WDFY3: variants seen among roughly 807,000 people sequenced by gnomAD.
WDFY3 encodes WD repeat and FYVE domain-containing protein 3.
WDFY3 carries 66 observed loss-of-function variants against 409.6 expected under a neutral mutation model. The observed-to-expected ratio is 0.16, with a 90% CI of 0.13 to 0.20. WDFY3 has a LOEUF of 0.20. WDFY3 is among the 10% of genes least tolerant of loss of function. The pLI is 1.00. For missense variants in WDFY3, 3,031 were observed against 4,298.1 expected, an observed-to-expected ratio of 0.71 and a Z score of 8.24; for synonymous variants, 1,521 against 1,537.1, an observed-to-expected ratio of 0.99 and a Z score of 0.25.
intron 5 of WDFY3, among the ~76,000 whole-genome samples, chr4:84,847,972 G>A (rs1758354613): frequency 6.6e-6 from 1 of 151,132 alleles, no homozygotes; most frequent in Non-Finnish European, 1.5e-5. Context: ...TGATAAAATT[G>A]AGGAGTTCTC....
chr4:84,795,010 A>G (rs960841516), intron 19 of WDFY3, 31 bp from the exon 20 acceptor site: 1 of 1,463,442 alleles, frequency 6.8e-7, no homozygotes, highest in African/African-American at 1.4e-5. Context: ...TACATATTAG[A>G]GATCAATGAC....
intron 47 of WDFY3, among the ~76,000 whole-genome samples, chr4:84,721,068 T>C (rs905118197): frequency 2.0e-5 from 3 of 152,188 alleles, no homozygotes; most frequent in East Asian, 1.9e-4. Context: ...ACTGGAATTA[T>C]GGAGATGTAG....
chr4:84,709,544 A>G (rs528662765), intron 51 of WDFY3, among the ~76,000 whole-genome samples, 197 bp from the exon 52 acceptor site: 1 of 152,352 alleles, frequency 6.6e-6, no homozygotes, highest in African/African-American at 2.4e-5. Flanking sequence ...GAACTGAAGA[A>G]AACAGAGGAC....
At chr4:84,724,233 T>A (rs1293221092) in intron 46 of WDFY3, among the ~76,000 whole-genome samples, 193 bp downstream of exon 46, 1 of 152,230 alleles carries the variant, frequency 6.6e-6, no homozygotes, top group African/African-American at 2.4e-5. Context: ...TATTCATTTG[T>A]AGGCAATAAA....
chr4:84,679,553 G>A (rs967089258), intron 64 of WDFY3, among the ~76,000 whole-genome samples: 1 of 152,056 alleles, frequency 6.6e-6, no homozygotes, highest in Non-Finnish European at 1.5e-5. Flanking sequence ...GCAGCTAGAT[G>A]GTGTCACTCC....
chr4:84,693,664 G>A (rs764066655), intron 58 of WDFY3, among the ~76,000 whole-genome samples: 6 of 152,124 alleles, frequency 3.9e-5, no homozygotes, highest in Non-Finnish European at 7.4e-5. Flanking sequence ...TTGGGAGACT[G>A]AGGCAGGCGG....
intron 32 of WDFY3, among the ~76,000 whole-genome samples, chr4:84,763,099 T>G (rs1441060661): frequency 6.6e-6 from 1 of 152,186 alleles, no homozygotes; most frequent in Non-Finnish European, 1.5e-5. Context: ...CCTCTCACAT[T>G]ATTTTCCCCT....
At chr4:84,806,112 C>G (rs1323150106) in intron 15 of WDFY3, among the ~76,000 whole-genome samples, 1 of 152,102 alleles carries the variant, frequency 6.6e-6, no homozygotes, top group East Asian at 1.9e-4. Context: ...CTTTTGCCAA[C>G]AAAACAGTAT....
chr4:84,709,225 C>G, intron 52 of WDFY3, 68 bp downstream of exon 52: 2 of 1,482,118 alleles, frequency 1.3e-6, no homozygotes, highest in South Asian at 2.4e-5. Context: ...AATTAAAGTG[C>G]TTTTAACTGT....
chr4:84,806,991 G>A (rs1320492843), intron 15 of WDFY3, among the ~76,000 whole-genome samples: 1 of 152,056 alleles, frequency 6.6e-6, no homozygotes, highest in Non-Finnish European at 1.5e-5. Context: ...AGGACTAAAT[G>A]TTTTTAAACA....
Position 84,765,956 on chromosome 4 carries a change from G to C in WDFY3, c.5042C>G (p.Ser1681Cys). ...CCTCATGGCTGCTGTAACTGTGGTG[G>C]AATGTAAGTGTTCCTCCATAAACAT... ...IMMFMEEHLH[S>C]TTVTAAMRIL... The change falls in exon 32 of 68, where the codon TCC becomes TGC. Residue 1681 changes from serine (S) to cysteine (C), a missense_variant. Transcript: ENST00000295888. The C allele has an allele frequency of 6.2e-7, 1 of 1,613,962 alleles. No homozygotes were observed. The highest frequency in any genetic ancestry group is 8.5e-7 in the Non-Finnish European group (1 of 1,179,952).
chr4:84,741,628 T>G, intron 38 of WDFY3, 133 bp downstream of exon 38: 1 of 1,134,320 alleles, frequency 8.8e-7, no homozygotes, highest in African/African-American at 1.6e-5. Flanking sequence ...CTCTATTCAC[T>G]TTTAATAAGC....
chr4:84,685,446 T>C (rs1338912031), intron 62 of WDFY3, among the ~76,000 whole-genome samples: 6 of 152,236 alleles, frequency 3.9e-5, no homozygotes, highest in Non-Finnish European at 8.8e-5. Flanking sequence ...CAAAGCACTG[T>C]TGTGTCTGCT....
chr4:84,777,843 A>C (rs1343710762), intron 27 of WDFY3, among the ~76,000 whole-genome samples: 1 of 152,180 alleles, frequency 6.6e-6, no homozygotes, highest in Non-Finnish European at 1.5e-5. Context: ...TTTAGTACAT[A>C]ATAACTAACA....
chr4:84,891,082 G>A lies in WDFY3; in HGVS notation c.-32+5829C>T, dbSNP rs1021439970. ...GCAGGTGATAGGCCAGACTTTGCCC[G>A]CAGGCCATAGTTTGCCACCCTACAA... On this transcript the variant is annotated intron_variant, in intron 3 of 67. Coordinates refer to ENST00000295888, the MANE Select transcript of WDFY3 (RefSeq NM_014991.6). 2.6e-5 allele frequency among the ~76,000 whole-genome samples: 4 copies of A among 152,198 alleles called. No homozygotes were observed. The East Asian group carries it at 5.8e-4, about 22-fold the overall frequency.
intron 59 of WDFY3, 47 bp from the exon 60 acceptor site, chr4:84,691,832 A>C: frequency 6.6e-7 from 1 of 1,522,032 alleles, no homozygotes; most frequent in Non-Finnish European, 9.0e-7. Flanking sequence ...GGAAAAACTA[A>C]TGTCATTATC....
chr4:84,782,862 A>G, intron 25 of WDFY3, 101 bp downstream of exon 25: 1 of 986,358 alleles, frequency 1.0e-6, no homozygotes, highest in Non-Finnish European at 1.6e-6. Context: ...GGTCAGTGCT[A>G]TTAAAATATG....
intron 2 of WDFY3, among the ~76,000 whole-genome samples, chr4:84,911,404 T>C (rs976143029): frequency 6.6e-6 from 1 of 152,110 alleles, no homozygotes; most frequent in Non-Finnish European, 1.5e-5. Flanking sequence ...ACAGGATTCC[T>C]TGAGCCCAGG....
intron 24 of WDFY3, among the ~76,000 whole-genome samples, 176 bp downstream of exon 24, chr4:84,785,803 T>G (rs1229522896): frequency 6.6e-6 from 1 of 152,188 alleles, no homozygotes; most frequent in Admixed American, 6.5e-5. Context: ...CCAAATTAAG[T>G]TACATATCTA....
Sources: allele counts gnomAD v4.1 joint callset (sites outside exome capture counted in the v4.1 genomes callset), GRCh38; gene constraint gnomAD v4.1.1; transcripts MANE v1.5; gene names NCBI Gene and HGNC (gene_info 2026-07-23, HGNC 2026-07-21).